SFMBT2: variants seen among roughly 807,000 people sequenced by gnomAD.
SFMBT2 encodes the protein Scm like with four mbt domains 2.
Under a neutral mutation model 110.1 loss-of-function variants are expected in SFMBT2, and 38 were observed. That is an observed-to-expected ratio of 0.35 (90% CI 0.27 to 0.45). The LOEUF (loss-of-function observed/expected upper bound fraction) is 0.45. SFMBT2 is among the 20% of genes least tolerant of loss of function. The probability of loss-of-function intolerance (pLI) is 1.00; values close to 1 mark genes in which losing one functional copy is unlikely to be tolerated. For synonymous variants in SFMBT2, 425 were observed against 425.4 expected (o/e 1.00, Z 0.01); for missense variants, 1,011 against 1,094.9 (o/e 0.92, Z 1.08).
At chr10:7,182,753 T>G (rs1286122481) in intron 16 of SFMBT2, among the ~76,000 whole-genome samples, 1 of 149,420 alleles carries the variant, frequency 6.7e-6, no homozygotes, top group African/African-American at 2.5e-5. Context: ...CATTAGGAGA[T>G]ATACCTAATG....
At chr10:7,292,382 T>C (rs1235800449) in intron 4 of SFMBT2, 3 of 179,514 alleles carry the variant, frequency 1.7e-5, no homozygotes, top group Non-Finnish European at 3.2e-5. Flanking sequence ...AGAACCTACA[T>C]TAATTTTTCA....
chr10:7,190,345 G>C (rs1838558114), intron 15 of SFMBT2, among the ~76,000 whole-genome samples: 1 of 152,182 alleles, frequency 6.6e-6, no homozygotes, highest in Non-Finnish European at 1.5e-5. Flanking sequence ...AATTTCAACA[G>C]ATTCTTTTCA....
rs764622750 is a variant in SFMBT2, at chr10:7,202,462, G to C, written c.1487+18C>G. 1 of 1,614,096 alleles carries C rather than the reference G, an allele frequency of 6.2e-7. No individual in the cohort carries two copies. The highest frequency in any genetic ancestry group is 1.1e-5 in the South Asian group (1 of 91,080). On this transcript the variant is annotated intron_variant, in intron 13 of 20. Transcript: ENST00000397167. ...TTATCGGTATACAGTGTAGTCTGGA[G>C]GGGAAAAAAGCACGTACTGTTTCTC... is the stretch of plus-strand genomic sequence containing the variant.
chr10:7,221,986 T>C (rs1057315041), intron 10 of SFMBT2, among the ~76,000 whole-genome samples: 1 of 152,190 alleles, frequency 6.6e-6, no homozygotes, highest in Non-Finnish European at 1.5e-5. Flanking sequence ...TCTTATAATT[T>C]CCTTTATCTT....
chr10:7,371,562 T>C (rs1295876540), intron 2 of SFMBT2, among the ~76,000 whole-genome samples: 1 of 152,212 alleles, frequency 6.6e-6, no homozygotes, highest in East Asian at 1.9e-4. Context: ...CATTTTAACA[T>C]ATACACGGCA....
At chr10:7,218,934 C>A (rs1399740993) in intron 11 of SFMBT2, among the ~76,000 whole-genome samples, 1 of 152,168 alleles carries the variant, frequency 6.6e-6, no homozygotes, top group South Asian at 2.1e-4. Flanking sequence ...AATTAACAGT[C>A]ATAAAGCATG....
At chr10:7,298,287 G>A (rs901215220) in intron 4 of SFMBT2, among the ~76,000 whole-genome samples, 8 of 152,116 alleles carry the variant, frequency 5.3e-5, no homozygotes, top group Admixed American at 1.3e-4. Context: ...TGACCATGAC[G>A]TCCACTCACT....
At chr10:7,188,438 G>A (rs1838490564) in intron 16 of SFMBT2, among the ~76,000 whole-genome samples, 186 bp downstream of exon 16, 1 of 152,182 alleles carries the variant, frequency 6.6e-6, no homozygotes, top group Admixed American at 6.5e-5. Flanking sequence ...GGAATCCTAA[G>A]GCTTAAGGCA....
rs1337975629 is a variant in SFMBT2 at position 7,301,482 on chromosome 10, T to C, written c.437-15528A>G. 6.6e-6 allele frequency among the ~76,000 whole-genome samples: 1 copy of C among 152,176 alleles called. No individual in the cohort carries two copies. The highest frequency in any genetic ancestry group is 1.5e-5 in the Non-Finnish European group (1 of 68,032). On this transcript the variant is annotated intron_variant, in intron 4 of 20. Transcript: ENST00000397167. This position sits in a 1 kb window ranked among gnomAD's most constrained non-coding sequence, Gnocchi z 4.2. The stretch of plus-strand genomic sequence containing the variant: ...GTCCAGGCACGGAGGCCCACAGGCC[T>C]GAAGGGGCCTGGGCTGTATCTGCAC...
intron 1 of SFMBT2, among the ~76,000 whole-genome samples, chr10:7,401,231 C>G (rs1021460332): frequency 6.6e-6 from 1 of 152,218 alleles, no homozygotes; most frequent in Non-Finnish European, 1.5e-5. Flanking sequence ...CCTTAAAAGG[C>G]TCCTTTTCAT....
At chr10:7,178,985 GTCTT>G (rs1467652040) in intron 16 of SFMBT2, among the ~76,000 whole-genome samples, 1 of 151,832 alleles carries the variant, frequency 6.6e-6, no homozygotes, top group Non-Finnish European at 1.5e-5. Context: ...TTTTAGGAAT[GTCTT>G]TCTAAAGACT....
chr10:7,341,049 A>T (rs1843885676), intron 4 of SFMBT2, among the ~76,000 whole-genome samples: 3 of 152,304 alleles, frequency 2.0e-5, no homozygotes, highest in Non-Finnish European at 2.9e-5. Flanking sequence ...GCAGCGTGAA[A>T]TGTGAAGCAG....
chr10:7,194,600 T>C (rs1023824107), intron 15 of SFMBT2, among the ~76,000 whole-genome samples: 1 of 152,218 alleles, frequency 6.6e-6, no homozygotes, highest in African/African-American at 2.4e-5. Context: ...TCTCTTTAAC[T>C]AAAATGAAAT....
rs139940427 is a variant in SFMBT2, at chr10:7,160,364, T to C, written c.*3406A>G. 6.6e-6 allele frequency: 1 copy of C among 152,168 alleles called. No individual in the cohort carries two copies. The highest frequency in any genetic ancestry group is 1.5e-5 in the Non-Finnish European group (1 of 68,034). 9.4% of individuals were successfully genotyped at this position (152,168 alleles called of 1,614,324 possible). On this transcript the variant is annotated 3_prime_UTR_variant, in exon 21 of 21. Transcript: ENST00000397167. ...AAGTGAGGAGCTGAAACAAGCTCCA[T>C]GAGTTTAGGGTGAGACTGAGCGATG...
chr10:7,281,189 T>C (rs1437299624), intron 6 of SFMBT2, among the ~76,000 whole-genome samples: 1 of 152,124 alleles, frequency 6.6e-6, no homozygotes, highest in African/African-American at 2.4e-5. Flanking sequence ...GAGGCTGCAA[T>C]GAGCCGAGAT....
chr10:7,389,405 C>A (rs567798783), intron 1 of SFMBT2, among the ~76,000 whole-genome samples: 84 of 152,218 alleles, frequency 5.5e-4, no homozygotes, highest in African/African-American at 1.9e-3. Flanking sequence ...TTAAGCTATA[C>A]GTAATTTCAA....
intron 4 of SFMBT2, among the ~76,000 whole-genome samples, chr10:7,331,628 C>T (rs546535286): frequency 3.9e-5 from 6 of 152,138 alleles, no homozygotes; most frequent in Admixed American, 6.5e-5. Context: ...TCTCTTCCTG[C>T]GCCCCCAACA....
intron 4 of SFMBT2, among the ~76,000 whole-genome samples, chr10:7,363,511 G>A (rs552739361): frequency 1.3e-5 from 2 of 152,226 alleles, no homozygotes; most frequent in African/African-American, 4.8e-5. Flanking sequence ...ACCACGCCCA[G>A]CTAATTTTGT....
Position 7,281,532 on chromosome 10 carries a change from G to C in SFMBT2, c.772+2372C>G, listed in dbSNP as rs144281354. Among the ~76,000 whole-genome samples the C allele has an allele frequency of 2.0e-3, 307 of 152,306 alleles. 3 individuals are homozygous for C. Among genetic ancestry groups the C allele is most frequent in the Non-Finnish European group, 7.9e-4 (54 of 68,030 alleles). On this transcript the variant is annotated intron_variant, in intron 6 of 20. Transcript: ENST00000397167. The stretch of plus-strand genomic sequence containing the variant: ...TCTCGCCTAGATTCCAGTTAAGGAA[G>C]TGGTGCTACCACGTAAGTCACACAA...
Sources: allele counts gnomAD v4.1 joint callset (sites outside exome capture counted in the v4.1 genomes callset), GRCh38; gene constraint gnomAD v4.1.1; non-coding constraint Gnocchi (gnomAD v3.1); transcripts MANE v1.5; gene names NCBI Gene and HGNC (gene_info 2026-07-23, HGNC 2026-07-21).